PDE3A: variants seen among roughly 807,000 people sequenced by gnomAD.
The protein encoded by PDE3A is phosphodiesterase 3A.
A neutral mutation model predicts 98.3 loss-of-function variants in PDE3A; 43 were observed. The observed-to-expected ratio is 0.44, with a 90% confidence interval of 0.34 to 0.56. PDE3A has a LOEUF of 0.56. PDE3A is among the 20% of genes least tolerant of loss of function. PDE3A has a pLI of 0.01. For missense variants in PDE3A, 1,427 were observed against 1,440.7 expected (o/e 0.99, Z 0.15); for synonymous variants, 663 against 567.9 (o/e 1.17, Z -2.38).
intron 1 of PDE3A, among the ~76,000 whole-genome samples, chr12:20,416,806 A>G (rs1944428160): frequency 1.3e-5 from 2 of 152,148 alleles, no homozygotes; most frequent in East Asian, 3.8e-4. Context: ...TCACACATAC[A>G]TGGACTATAC....
At chr12:20,624,435 C>A (rs1000315400) in intron 5 of PDE3A, among the ~76,000 whole-genome samples, 1 of 152,150 alleles carries the variant, frequency 6.6e-6, no homozygotes, top group African/African-American at 2.4e-5. Context: ...GTTTGTATGA[C>A]TTCACTCTAG....
chr12:20,532,485 A>C (rs74334253), intron 1 of PDE3A, among the ~76,000 whole-genome samples: 5,459 of 152,294 alleles, frequency 0.036, 141 homozygotes, highest in Middle Eastern at 0.065. Flanking sequence ...ATGGAACTGA[A>C]AGGAATAAAT....
At chr12:20,546,143 G>A (rs1031169079) in intron 1 of PDE3A, among the ~76,000 whole-genome samples, 1 of 151,966 alleles carries the variant, frequency 6.6e-6, no homozygotes. Context: ...AATTATGCAG[G>A]TGGGTAAGTC....
At chr12:20,574,944 C>T (rs1382747855) in intron 2 of PDE3A, among the ~76,000 whole-genome samples, 1 of 151,970 alleles carries the variant, frequency 6.6e-6, no homozygotes, top group Non-Finnish European at 1.5e-5. Flanking sequence ...TTTGTTCATA[C>T]TTTAGAGATG....
chr12:20,439,209 C>CT (rs1399913522), intron 1 of PDE3A, among the ~76,000 whole-genome samples: 1 of 152,070 alleles, frequency 6.6e-6, no homozygotes, highest in Non-Finnish European at 1.5e-5. Context: ...TTAAAAAGGG[C>CT]TTTTCTTAGC....
rs111837582 is a variant in PDE3A at position 20,485,741 on chromosome 12, T to A, written c.961-70919T>A. On this transcript the variant is annotated intron_variant, in intron 1 of 15. Transcript: ENST00000359062. ...TGACATTTACTTACCTTTTTGTATT[T>A]ACTTATATACTTAATTTTGCTTTTA... Among the ~76,000 whole-genome samples, 1,212 of 152,348 alleles carry A rather than the reference T, an allele frequency of 8.0e-3. 13 individuals carry two copies. Among genetic ancestry groups the A allele is most frequent in the African/African-American group, 0.027 (1,138 of 41,580 alleles).
At chr12:20,585,415 T>C (rs989291406) in intron 2 of PDE3A, among the ~76,000 whole-genome samples, 2 of 152,214 alleles carry the variant, frequency 1.3e-5, no homozygotes, top group African/African-American at 4.8e-5. Flanking sequence ...CAACAATAGG[T>C]TATTCATTTT....
chr12:20,451,837 G>A (rs1171240402), intron 1 of PDE3A, among the ~76,000 whole-genome samples: 4 of 152,110 alleles, frequency 2.6e-5, no homozygotes, highest in Non-Finnish European at 5.9e-5. Flanking sequence ...TGCCTATAAC[G>A]TGGTTGCAGT....
chr12:20,495,611 CTT>C (rs1945906611), intron 1 of PDE3A, among the ~76,000 whole-genome samples: 2 of 152,136 alleles, frequency 1.3e-5, no homozygotes, highest in Admixed American at 1.3e-4. Context: ...AACATTCTCT[CTT>C]GTTAGACATT....
intron 10 of PDE3A, among the ~76,000 whole-genome samples, chr12:20,641,915 C>T (rs1037876051): frequency 6.6e-6 from 1 of 151,988 alleles, no homozygotes; most frequent in Admixed American, 6.6e-5. Context: ...TAGGAAAGCT[C>T]TAGCTTCATT....
intron 1 of PDE3A, among the ~76,000 whole-genome samples, chr12:20,526,892 G>A (rs1337176128): frequency 1.0e-5 from 1 of 100,174 alleles, no homozygotes; most frequent in African/African-American, 4.1e-5. Context: ...TTCTGTGTGT[G>A]TGTGTGTGTG....
Position 20,570,916 on chromosome 12 carries a change from G to A in PDE3A, c.1011+14206G>A, listed in dbSNP as rs116170894. Among the ~76,000 whole-genome samples the A allele has an allele frequency of 7.9e-3, 1,207 of 152,214 alleles. 15 individuals are homozygous for A. The highest frequency in any genetic ancestry group is 0.028 in the African/African-American group (1,155 of 41,544). On this transcript the variant is annotated intron_variant, in intron 2 of 15. Coordinates refer to ENST00000359062, the MANE Select transcript of PDE3A (RefSeq NM_000921.5). ...AAGCAGTCATTCCTATGGACTAGCA[G>A]TATCCATTCAGTATCAGCTAGTGAA...
chr12:20,419,359 C>G (rs1416446271), intron 1 of PDE3A, among the ~76,000 whole-genome samples: 1 of 151,870 alleles, frequency 6.6e-6, no homozygotes, highest in Non-Finnish European at 1.5e-5. Flanking sequence ...GTGGTACGAT[C>G]ATAGCTCCCT....
At chr12:20,603,549 T>TATTTATTTATTTA (rs1943643804) in intron 2 of PDE3A, among the ~76,000 whole-genome samples, 1 of 151,698 alleles carries the variant, frequency 6.6e-6, no homozygotes, top group Non-Finnish European at 1.5e-5. Flanking sequence ...TTTATTGTTT[T>TATTTATTTATTTA]ATTTATTTAT....
chr12:20,544,975 C>G (rs935233499), intron 1 of PDE3A, among the ~76,000 whole-genome samples: 1 of 151,896 alleles, frequency 6.6e-6, no homozygotes, highest in Admixed American at 6.6e-5. Context: ...CTGGGACTAT[C>G]CAAGGAGGGA....
At chr12:20,422,092 A>T (rs1944523104) in intron 1 of PDE3A, among the ~76,000 whole-genome samples, 1 of 152,210 alleles carries the variant, frequency 6.6e-6, no homozygotes, top group Non-Finnish European at 1.5e-5. Flanking sequence ...CACGCCTGTA[A>T]TCCTAGCACT....
chr12:20,533,787 C>A (rs549842404), intron 1 of PDE3A, among the ~76,000 whole-genome samples: 1 of 151,878 alleles, frequency 6.6e-6, no homozygotes, highest in Non-Finnish European at 1.5e-5. Flanking sequence ...CGCCCGGCCC[C>A]CACTTTCTTA....
At chr12:20,548,105 G>T (rs573373656) in intron 1 of PDE3A, among the ~76,000 whole-genome samples, 1 of 152,188 alleles carries the variant, frequency 6.6e-6, no homozygotes, top group African/African-American at 2.4e-5. Context: ...ATGACTTAGT[G>T]TCAAAGCAGT....
intron 1 of PDE3A, among the ~76,000 whole-genome samples, chr12:20,481,764 A>ATTTTTTC (rs1945630123): frequency 1.3e-5 from 1 of 79,584 alleles, no homozygotes; most frequent in Non-Finnish European, 2.2e-5. Flanking sequence ...TGGGAAATAG[A>ATTTTTTC]TTTTTTTTTT....
Sources: gnomAD v4.1 joint callset for allele counts (sites outside exome capture counted in the v4.1 genomes callset) on GRCh38, gnomAD v4.1.1 for gene constraint, MANE v1.5 for transcripts, NCBI Gene and HGNC (gene_info 2026-07-23, HGNC 2026-07-21) for gene names.